The following PIP5K1B variants were observed in gnomAD, a reference collection of about 807,000 sequenced individuals.
PIP5K1B encodes the protein phosphatidylinositol 4-phosphate 5-kinase type-1 beta.
Under a neutral mutation model 67.0 loss-of-function variants are expected in PIP5K1B, and 42 were observed. That is an observed-to-expected ratio of 0.63 (90% CI 0.49 to 0.81). PIP5K1B has a LOEUF of 0.81. Ranked by LOEUF, PIP5K1B falls within the 30% of genes least tolerant of loss-of-function variation. PIP5K1B has a pLI of 0.00. For missense variants in PIP5K1B, 459 were observed against 646.3 expected (o/e 0.71, Z 3.14); for synonymous variants, 214 against 231.4 (o/e 0.92, Z 0.68).
intron 8 of PIP5K1B, among the ~76,000 whole-genome samples, chr9:68,900,510 C>T (rs1825305867): frequency 6.6e-6 from 1 of 152,100 alleles, no homozygotes; most frequent in South Asian, 2.1e-4. Context: ...TCTAGAATCC[C>T]ATATCATTTA....
At chr9:68,798,102 G>T (rs1364463669) in intron 2 of PIP5K1B, among the ~76,000 whole-genome samples, 1 of 151,882 alleles carries the variant, frequency 6.6e-6, no homozygotes, top group African/African-American at 2.4e-5. Flanking sequence ...GTGAATATTT[G>T]AAGAAAATAA....
At chr9:68,748,913 G>C (rs1252851843) in intron 2 of PIP5K1B, among the ~76,000 whole-genome samples, 1 of 151,998 alleles carries the variant, frequency 6.6e-6, no homozygotes, top group Non-Finnish European at 1.5e-5. Context: ...CACTCGGCCA[G>C]GTTTCAGATC....
intron 14 of PIP5K1B, among the ~76,000 whole-genome samples, chr9:68,958,328 T>C (rs1461038138): frequency 6.6e-6 from 1 of 152,198 alleles, no homozygotes; most frequent in Non-Finnish European, 1.5e-5. Flanking sequence ...CCAGTGATTG[T>C]GCCAAACACA....
At chr9:68,956,784 G>A (rs1477604851) in intron 14 of PIP5K1B, among the ~76,000 whole-genome samples, 2 of 152,162 alleles carry the variant, frequency 1.3e-5, no homozygotes, top group Non-Finnish European at 1.5e-5. Flanking sequence ...CAACGTGTAT[G>A]GTGAGGCCCA....
intron 1 of PIP5K1B, among the ~76,000 whole-genome samples, chr9:68,723,695 G>GTTTTTTTTTT (rs36021674): frequency 1.9e-3 from 93 of 50,110 alleles, no homozygotes; most frequent in Non-Finnish European, 2.1e-3. Flanking sequence ...GAAGTATTTG[G>GTTTTTTTTTT]TTTTTTTTTT....
At chr9:68,848,926 A>G (rs4745327) in intron 4 of PIP5K1B, among the ~76,000 whole-genome samples, 63,041 of 152,076 alleles carry the variant, frequency 0.41, 13,229 homozygotes, top group South Asian at 0.46. Context: ...ATGGAGACTA[A>G]AACAACAAGA....
At chr9:68,767,340 T>A (rs1428318345) in intron 2 of PIP5K1B, among the ~76,000 whole-genome samples, 1 of 152,170 alleles carries the variant, frequency 6.6e-6, no homozygotes, top group Admixed American at 6.5e-5. Context: ...ACGCCTGTAA[T>A]CCCAGCACTT....
rs1832366753 is a variant in PIP5K1B at position 68,797,647 on chromosome 9, A to T, written c.-85-20814A>T. Among the ~76,000 whole-genome samples, 3 of 152,234 alleles carry T rather than the reference A, an allele frequency of 2.0e-5. No homozygotes were observed. In the South Asian group the frequency reaches 6.2e-4, roughly 31 times the overall value. On this transcript the variant is annotated intron_variant, in intron 2 of 15. Transcript: ENST00000265382. ...TGTAACTACTTCTTGTCTCAATGAC[A>T]TACTATTTTCCTGTCTTGGATTTAA...
chr9:68,780,890 T>C, intron 2 of PIP5K1B: 1 of 1,614,242 alleles, frequency 6.2e-7, no homozygotes, highest in Non-Finnish European at 8.5e-7. Flanking sequence ...TATCTTCGGA[T>C]ACCCTTGATG....
At chr9:68,837,985 A>T (rs1349843858) in intron 4 of PIP5K1B, among the ~76,000 whole-genome samples, 1 of 150,640 alleles carries the variant, frequency 6.6e-6, no homozygotes, top group South Asian at 2.1e-4. Context: ...GTAAACTTTT[A>T]TTTTCTTCAT....
intron 2 of PIP5K1B, among the ~76,000 whole-genome samples, chr9:68,752,891 G>C (rs895312310): frequency 3.3e-5 from 5 of 152,218 alleles, no homozygotes; most frequent in African/African-American, 9.6e-5. Context: ...TCTGAGATTA[G>C]TTGTTAGATC....
chr9:68,979,497 G>T (rs911076416), intron 14 of PIP5K1B, among the ~76,000 whole-genome samples: 2 of 22,980 alleles, frequency 8.7e-5, no homozygotes, highest in Admixed American at 1.1e-3. Flanking sequence ...CTTGGATGAG[G>T]GTTCCTCTTT....
At chr9:68,738,912 T>C (rs1414459320) in intron 1 of PIP5K1B, among the ~76,000 whole-genome samples, 2 of 152,250 alleles carry the variant, frequency 1.3e-5, no homozygotes, top group South Asian at 4.1e-4. Flanking sequence ...TTTCTTCTTT[T>C]TGGGCTCAGG....
At chr9:68,934,690 G>A (rs1827164992) in intron 12 of PIP5K1B, among the ~76,000 whole-genome samples, 200 bp from the exon 13 acceptor site, 1 of 152,030 alleles carries the variant, frequency 6.6e-6, no homozygotes. Context: ...AGTCATTTTG[G>A]ACAAATAATA....
chr9:68,743,577 A>T (rs34575286), intron 2 of PIP5K1B, among the ~76,000 whole-genome samples: 37,161 of 152,108 alleles, frequency 0.24, 5,115 homozygotes, highest in East Asian at 0.41. Context: ...TCCCTTTCAC[A>T]TGGTGTAGAT....
At chr9:68,768,069 A>G (rs1190029702) in intron 2 of PIP5K1B, among the ~76,000 whole-genome samples, 1 of 152,230 alleles carries the variant, frequency 6.6e-6, no homozygotes, top group Non-Finnish European at 1.5e-5. Context: ...TAAACTGTAC[A>G]CGGAAAGTAC....
intron 14 of PIP5K1B, among the ~76,000 whole-genome samples, chr9:68,959,737 T>C (rs112958025): frequency 4.6e-5 from 7 of 152,350 alleles, no homozygotes; most frequent in African/African-American, 1.7e-4. Context: ...TATTTCCTTA[T>C]ACTTTTCCCC....
Position 68,735,316 on chromosome 9 carries a change from C to CTTTTTTTTTTTTTTTTTTTTT in PIP5K1B, c.-242-7177_-242-7157dup, listed in dbSNP as rs558810934. On this transcript the variant is annotated intron_variant, in intron 1 of 15. Coordinates refer to ENST00000265382, the MANE Select transcript of PIP5K1B (RefSeq NM_003558.4). ...CAGATTTGCTGTTTTCCCCTAGTGT[C>CTTTTTTTTTTTTTTTTTTTTT]TTTTTTTTTTTTTTTTTTTTTTTTT... Among the ~76,000 whole-genome samples the CTTTTTTTTTTTTTTTTTTTTT allele has an allele frequency of 4.2e-3, 125 of 29,814 alleles. 25 individuals are homozygous for CTTTTTTTTTTTTTTTTTTTTT. The highest frequency in any genetic ancestry group is 7.4e-3 in the South Asian group (5 of 680). The allele number at this position is 29,814 out of a possible 152,430, so 19.6% of individuals were successfully genotyped here.
rs146854317 is a variant in PIP5K1B, at chr9:68,949,354, T to C, written c.1502+8564T>C. Among the ~76,000 whole-genome samples the C allele has an allele frequency of 4.8e-3, 729 of 152,314 alleles. 7 individuals carry two copies. The highest frequency in any genetic ancestry group is 0.016 in the African/African-American group (672 of 41,572). On this transcript the variant is annotated intron_variant, in intron 14 of 15. Transcript: ENST00000265382. The stretch of plus-strand genomic sequence containing the variant: ...AAATGGAGCCCTGAAGTCTGCATTT[T>C]GGCAAGCTCCTTAAGAAATTCTTAC...
Sources: gnomAD v4.1 joint callset for allele counts (sites outside exome capture counted in the v4.1 genomes callset) on GRCh38, gnomAD v4.1.1 for gene constraint, MANE v1.5 for transcripts, NCBI Gene and HGNC (gene_info 2026-07-23, HGNC 2026-07-21) for gene names.